The following CCNL1 variants were observed in gnomAD, a reference collection of about 807,000 sequenced individuals.
CCNL1 encodes cyclin-L1.
Under a neutral mutation model 60.6 loss-of-function variants are expected in CCNL1, and 13 were observed. The ratio of observed to expected loss-of-function variants is 0.21; its 90% CI spans 0.14 to 0.34. The LOEUF is 0.34. Among genes scored for constraint, CCNL1 ranks in the 10% least tolerant of loss-of-function variants. The pLI is 1.00. For synonymous variants in CCNL1, 270 were observed against 244.3 expected (o/e 1.10, Z -0.98); for missense variants, 481 against 664.3 (o/e 0.72, Z 3.03).
chr3:157,159,300 T>G (rs1213246767), intron 2 of CCNL1, 105 bp downstream of exon 2: 1 of 1,069,800 alleles, frequency 9.3e-7, no homozygotes, highest in Non-Finnish European at 1.4e-6. Context: ...TACAAAGGCC[T>G]AAACTAAACC....
intron 5 of CCNL1, chr3:157,151,258 C>T (rs1738167649): frequency 2.0e-6 from 2 of 985,462 alleles, no homozygotes; most frequent in Non-Finnish European, 2.4e-6. Flanking sequence ...GGACATCTTG[C>T]TGGGAAGCCC....
downstream of CCNL1, chr3:157,146,609 TAAAAAAAA>T (rs67249134): frequency 2.0e-4 from 54 of 276,348 alleles, 1 homozygote; most frequent in Middle Eastern, 1.1e-3. Context: ...ACCTCGTCTC[TAAAAAAAA>T]AAAAAAAAAA....
chr3:157,159,623 C>T, intron 1 of CCNL1, 144 bp from the exon 2 acceptor site: 1 of 993,646 alleles, frequency 1.0e-6, no homozygotes, highest in African/African-American at 1.7e-5. Context: ...GTCCTCCCTC[C>T]GCCTCCGCAG....
At chr3:157,154,933 TATACATACATACATACATAC>T (rs369407739) in intron 3 of CCNL1, among the ~76,000 whole-genome samples, 2 of 147,782 alleles carry the variant, frequency 1.4e-5, no homozygotes, top group African/African-American at 2.6e-5. Flanking sequence ...TCTCCATATA[TATACATACATACATACATAC>T]ATACATACAT....
In CCNL1 at chr3:157,159,996, C is replaced by T. The variant is rs778183213; in HGVS notation, c.99G>A (p.Thr33=). ...TCAGGATCCCTCCCGTCGTGGTCGT[C>T]GTCGTGGTCGTCGTCCCGGAGCTGG... ...GGSSSGTTTT[T]TTTTGGILIG... The change falls in exon 1 of 11, where the codon ACG becomes ACA. Residue 33 remains threonine (T), a synonymous_variant. Transcript: ENST00000295926. 5 of 1,574,876 alleles carry T rather than the reference C, an allele frequency of 3.2e-6. No homozygotes were observed. Among genetic ancestry groups the T allele is most frequent in the Non-Finnish European group, 3.4e-6 (4 of 1,160,558 alleles).
chr3:157,150,198 T>A, intron 6 of CCNL1, 29 bp from the exon 7 acceptor site: 1 of 1,608,694 alleles, frequency 6.2e-7, no homozygotes, highest in Non-Finnish European at 8.5e-7. Context: ...ATGTTTTAAA[T>A]TAAATTTTTG....
At chr3:157,148,655 C>A in intron 10 of CCNL1, 66 bp from the exon 11 acceptor site, 1 of 1,415,642 alleles carries the variant, frequency 7.1e-7, no homozygotes. Flanking sequence ...CCGGTGGTTG[C>A]TCATAACAGG....
intron 5 of CCNL1, chr3:157,151,128 T>G: frequency 3.0e-6 from 3 of 984,944 alleles, no homozygotes; most frequent in Non-Finnish European, 3.6e-6. Context: ...CCATGAGAAC[T>G]GCTATAATCC....
downstream of CCNL1, chr3:157,146,568 A>G (rs1737787705): frequency 2.3e-6 from 1 of 441,028 alleles, no homozygotes; most frequent in Admixed American, 2.4e-5. Context: ...TGAGGCCAGG[A>G]GTTCGTGACC....
chr3:157,151,397 T>C, intron 5 of CCNL1: 1 of 985,856 alleles, frequency 1.0e-6, no homozygotes, highest in Non-Finnish European at 1.2e-6. Flanking sequence ...CATCTGCATC[T>C]CAAGAAGTCC....
chr3:157,159,618 C>T (rs1302401197), intron 1 of CCNL1, 139 bp from the exon 2 acceptor site: 2 of 986,050 alleles, frequency 2.0e-6, no homozygotes, highest in Admixed American at 5.5e-5. Flanking sequence ...GCCAAGTCCT[C>T]CCTCCGCCTC....
chr3:157,147,328 C>T (rs1320700600), downstream of CCNL1, among the ~76,000 whole-genome samples: 1 of 152,180 alleles, frequency 6.6e-6, no homozygotes, highest in African/African-American at 2.4e-5. Context: ...CAAAACTTCA[C>T]TTCTTTGTGA....
At chr3:157,151,106 A>T in intron 5 of CCNL1, 1 of 985,010 alleles carries the variant, frequency 1.0e-6, no homozygotes, top group Non-Finnish European at 1.2e-6. Context: ...ACTATTTCTT[A>T]AAAATCCTAA....
In CCNL1 at chr3:157,150,163, A is replaced by G. The variant is rs539554917; in HGVS notation, c.781T>C (p.Leu261=). ...YLAARALQIP[L]PTRPHWFLLF... ...AGAAACCAATGGGGACGAGTTGGCAACGGAATCTAAACCATAAGAACAGAA... is the reference window on the plus strand; with the variant it reads ...AGAAACCAATGGGGACGAGTTGGCAGCGGAATCTAAACCATAAGAACAGAA... The change falls in exon 7 of 11, where the codon TTG becomes CTG. Residue 261 remains leucine (L), a synonymous_variant. Coordinates refer to ENST00000295926, the MANE Select transcript of CCNL1 (RefSeq NM_020307.4). 6.2e-7 allele frequency: 1 copy of G among 1,611,636 alleles called. No individual in the cohort carries two copies. Among genetic ancestry groups the G allele is most frequent in the African/African-American group, 1.3e-5 (1 of 74,746 alleles).
At chr3:157,153,341 G>T in intron 3 of CCNL1, 185 bp from the exon 4 acceptor site, 1 of 504,528 alleles carries the variant, frequency 2.0e-6, no homozygotes, top group Non-Finnish European at 3.4e-6. Flanking sequence ...ATACATCTAC[G>T]AGACTAAGTT....
At chr3:157,151,977 C>A in intron 5 of CCNL1, 200 bp downstream of exon 5, 1 of 1,383,710 alleles carries the variant, frequency 7.2e-7, no homozygotes, top group Admixed American at 3.1e-5. Context: ...TTGAGTTCTC[C>A]ATTAAAAGTA....
At chr3:157,155,787 G>C (rs1738574213) in intron 3 of CCNL1, among the ~76,000 whole-genome samples, 2 of 152,058 alleles carry the variant, frequency 1.3e-5, no homozygotes, top group African/African-American at 2.4e-5. Context: ...TCCCCAATCA[G>C]GTAAACTTTC....
At chr3:157,159,671 C>A in intron 1 of CCNL1, 121 bp downstream of exon 1, 2 of 1,119,410 alleles carry the variant, frequency 1.8e-6, no homozygotes, top group Non-Finnish European at 1.2e-6. Flanking sequence ...GGCTGGGCCC[C>A]GAACGGGAAA....
At chr3:157,156,926 A>G (rs1738672429) in intron 3 of CCNL1, 1 of 1,289,698 alleles carries the variant, frequency 7.8e-7, no homozygotes, top group Non-Finnish European at 1.0e-6. Flanking sequence ...ATGGTTCACC[A>G]GTGGCCAACC....
Sources: allele counts gnomAD v4.1 joint callset (sites outside exome capture counted in the v4.1 genomes callset), GRCh38; gene constraint gnomAD v4.1.1; transcripts MANE v1.5; gene names NCBI Gene and HGNC (gene_info 2026-07-23, HGNC 2026-07-21).